The following RMP24 variants were observed in gnomAD, a reference collection of about 807,000 sequenced individuals.
RMP24 encodes the protein ribonuclease MRP protein subunit p24.
the RMP24 span, among the ~76,000 whole-genome samples, chr18:35,974,480 CAGT>C: frequency 1.3e-5 from 2 of 152,208 alleles, no homozygotes; most frequent in Non-Finnish European, 2.9e-5. Context: ...CAGTGCTCAA[CAGT>C]AGATACTATT....
chr18:35,973,023 A>C, the RMP24 span: 19 of 1,341,998 alleles, frequency 1.4e-5, no homozygotes, highest in East Asian at 2.4e-5. Flanking sequence ...AACAACAACA[A>C]CAAAGCCCGC....
chr18:35,975,651 G>A, the RMP24 span, among the ~76,000 whole-genome samples: 19 of 152,238 alleles, frequency 1.2e-4, no homozygotes, highest in Non-Finnish European at 2.1e-4. Context: ...ATCAGATTAC[G>A]TACGGTTTAC....
the RMP24 span, chr18:35,978,978 C>T: frequency 6.2e-7 from 1 of 1,609,998 alleles, no homozygotes; most frequent in African/African-American, 1.3e-5. Flanking sequence ...AATTTCTTAT[C>T]TTCTCTGAAG....
chr18:35,973,002 C>G, the RMP24 span: 1 of 1,510,802 alleles, frequency 6.6e-7, no homozygotes, highest in South Asian at 1.1e-5. Flanking sequence ...GGACTCACTT[C>G]CCTCCATAAA....
At chr18:35,977,614 T>A in the RMP24 span, 2 of 1,600,476 alleles carry the variant, frequency 1.2e-6, no homozygotes, top group Non-Finnish European at 1.7e-6. Flanking sequence ...TCTTAATCCA[T>A]GAAGTTTTTG....
the RMP24 span, chr18:35,975,026 G>A: frequency 1.9e-5 from 30 of 1,613,942 alleles, no homozygotes; most frequent in South Asian, 1.6e-4. Context: ...ATCGAGAAGC[G>A]AGAAACTATA....
chr18:35,976,764 T>C, the RMP24 span, among the ~76,000 whole-genome samples: 1 of 152,230 alleles, frequency 6.6e-6, no homozygotes, highest in Non-Finnish European at 1.5e-5. Context: ...TGCTTACTGC[T>C]GTTACAAAGA....
At chr18:35,973,227 A>G in the RMP24 span, 4 of 491,234 alleles carry the variant, frequency 8.1e-6, no homozygotes, top group Middle Eastern at 5.6e-4. Context: ...AGCTTTAAGT[A>G]TTGTCGTGGC....
At chr18:35,974,912 T>C in the RMP24 span, 1 of 1,613,356 alleles carries the variant, frequency 6.2e-7, no homozygotes, top group East Asian at 2.2e-5. Context: ...AGAGCACTTT[T>C]GAAGAAACGT....
At chr18:35,972,828 G>A in the RMP24 span, 1 of 1,614,136 alleles carries the variant, frequency 6.2e-7, no homozygotes, top group African/African-American at 1.3e-5. Context: ...GAGGGGAAGC[G>A]GGAGGCGAGC....
chr18:35,979,151 T>G, the RMP24 span: 4 of 756,516 alleles, frequency 5.3e-6, no homozygotes, highest in East Asian at 2.9e-5. Flanking sequence ...ACCTCATTAG[T>G]GTGAATACCT....
At chr18:35,972,745 A>G in the RMP24 span, 1 of 1,612,700 alleles carries the variant, frequency 6.2e-7, no homozygotes, top group African/African-American at 1.3e-5. Context: ...CAGAAGCACT[A>G]CCTTGAGGCT....
chr18:35,976,602 G>A, the RMP24 span, among the ~76,000 whole-genome samples: 1 of 152,264 alleles, frequency 6.6e-6, no homozygotes, highest in South Asian at 2.1e-4. Context: ...AGAGGTGTGA[G>A]AGTATAACAA....
the RMP24 span, chr18:35,975,019 G>A: frequency 4.3e-6 from 7 of 1,614,054 alleles, no homozygotes; most frequent in East Asian, 2.2e-5. Context: ...CTTCTTAATC[G>A]AGAAGCGAGA....
At chr18:35,973,200 T>G in the RMP24 span, 21 of 543,758 alleles carry the variant, frequency 3.9e-5, no homozygotes, top group South Asian at 4.4e-4. Flanking sequence ...CTTTGCTGGT[T>G]CCTCCTAATC....
chr18:35,973,248 G>A, the RMP24 span: 10 of 430,710 alleles, frequency 2.3e-5, no homozygotes, highest in Non-Finnish European at 3.8e-5. Context: ...CCAGTACTCA[G>A]CCCTTGGACC....
At chr18:35,975,034 A>G in the RMP24 span, 1 of 1,614,112 alleles carries the variant, frequency 6.2e-7, no homozygotes, top group South Asian at 1.1e-5. Context: ...GCGAGAAACT[A>G]TACACTCAGT....
chr18:35,974,879 C>T, the RMP24 span: 1 of 1,599,966 alleles, frequency 6.3e-7, no homozygotes, highest in Admixed American at 1.7e-5. Context: ...TTGTGAGTTT[C>T]ATTTGTATAA....
chr18:35,975,038 A>C, the RMP24 span: 1 of 1,614,042 alleles, frequency 6.2e-7, no homozygotes, highest in Non-Finnish European at 8.5e-7. Context: ...GAAACTATAC[A>C]CTCAGTTTTA....
Sources: gnomAD v4.1 joint callset for allele counts (sites outside exome capture counted in the v4.1 genomes callset) on GRCh38, gnomAD v4.1.1 for gene constraint, MANE v1.5 for transcripts, NCBI Gene and HGNC (gene_info 2026-07-23, HGNC 2026-07-21) for gene names.